FXN: variants seen among roughly 807,000 people sequenced by gnomAD.
The protein encoded by FXN is frataxin, mitochondrial.
FXN carries 14 observed loss-of-function variants against 22.4 expected under a neutral mutation model. The observed-to-expected ratio is 0.62, with a 90% CI of 0.41 to 0.98. The LOEUF (loss-of-function observed/expected upper bound fraction) is 0.98. Ranked by LOEUF, FXN falls within the 50% of genes least tolerant of loss-of-function variation. FXN has a pLI of 0.00. For missense variants in FXN, 267 were observed against 268.4 expected, an observed-to-expected ratio of 0.99 and a Z score of 0.04; for synonymous variants, 120 against 114.1, an observed-to-expected ratio of 1.05 and a Z score of -0.33.
At chr9:69,066,877 T>C (rs1011247597) in intron 4 of FXN, among the ~76,000 whole-genome samples, 1 of 150,492 alleles carries the variant, frequency 6.6e-6, no homozygotes, top group Non-Finnish European at 1.5e-5. Flanking sequence ...AAAATATATA[T>C]ATATATATGG....
chr9:69,074,956 G>T lies in FXN; in HGVS notation c.*2194G>T, dbSNP rs1367807781. 1 of 985,408 alleles carries T rather than the reference G, an allele frequency of 1.0e-6. No individual in the cohort carries two copies. Among genetic ancestry groups the T allele is most frequent in the East Asian group, 1.1e-4 (1 of 8,820 alleles). The allele number at this position is 985,408 out of a possible 1,614,324, so 61.0% of individuals were successfully genotyped here. ...AGTGCACCCCACTTACTTAGAACTC[G>T]GTGACATGATGTACTCCTTTATCTG... On this transcript the variant is annotated 3_prime_UTR_variant, in exon 5 of 5. Transcript: ENST00000484259.
chr9:69,037,284 A>AAAAGAAGAAGAAGAAG (rs544093183), intron 1 of FXN, among the ~76,000 whole-genome samples: 44 of 78,048 alleles, frequency 5.6e-4, no homozygotes, highest in African/African-American at 1.2e-3. Context: ...AAAAAAAAAA[A>AAAAGAAGAAGAAGAAG]AAGAAGAAGA....
intron 1 of FXN, among the ~76,000 whole-genome samples, chr9:69,040,967 C>T (rs1186323784): frequency 6.6e-6 from 1 of 152,184 alleles, no homozygotes. Context: ...GGATTTCCCA[C>T]CCTCCAGGAC....
rs571572380 is a variant in FXN, at chr9:69,035,990, G to GGCCGCAC, written c.165+54_165+60dup. 10,431 of 1,374,168 alleles carry GGCCGCAC rather than the reference G, an allele frequency of 7.6e-3. 59 individuals carry two copies. The highest frequency in any genetic ancestry group is 0.038 in the Middle Eastern group (141 of 3,752). The allele number at this position is 1,374,168 out of a possible 1,614,324, so 85.1% of individuals were successfully genotyped here. On this transcript the variant is annotated intron_variant, in intron 1 of 4. Transcript: ENST00000484259. ...GAACAGCCGCGGGCCGCACGCCGCG[G>GGCCGCAC]GCCGCACGCCGCACGCCTGCGCAGG... is the stretch of plus-strand genomic sequence containing the variant.
chr9:69,063,575 T>G (rs889617260), intron 3 of FXN, among the ~76,000 whole-genome samples: 1 of 152,192 alleles, frequency 6.6e-6, no homozygotes, highest in East Asian at 1.9e-4. Context: ...GAAAAAGATG[T>G]TATTTTAAAA....
intron 1 of FXN, among the ~76,000 whole-genome samples, chr9:69,044,611 T>C (rs548650662): frequency 6.6e-6 from 1 of 152,302 alleles, no homozygotes; most frequent in South Asian, 2.1e-4. Context: ...CTTCGGTGCC[T>C]TCCCAGGATG....
Position 69,074,762 on chromosome 9 carries a change from A to G in FXN, c.*2000A>G. 1.1e-6 allele frequency: 1 copy of G among 894,792 alleles called. No individual in the cohort carries two copies. Among genetic ancestry groups the G allele is most frequent in the Non-Finnish European group, 1.3e-6 (1 of 747,402 alleles). The allele number at this position is 894,792 out of a possible 1,614,324, so 55.4% of individuals were successfully genotyped here. A position where few individuals can be genotyped will look rare whatever the true frequency, so the allele number is the denominator to read the frequency against. ...AAAAAAGAAAAAAAAACCTATTAAT[A>G]ATAAAACAGTATAAACAAAAGCTAA... On this transcript the variant is annotated 3_prime_UTR_variant, in exon 5 of 5. Coordinates refer to ENST00000484259, the MANE Select transcript of FXN (RefSeq NM_000144.5).
chr9:69,050,723 C>T (rs1036697430), intron 2 of FXN, among the ~76,000 whole-genome samples: 1 of 152,144 alleles, frequency 6.6e-6, no homozygotes, highest in Non-Finnish European at 1.5e-5. Context: ...AAGTGATTGT[C>T]CAACTTACTT....
chr9:69,073,402 G>C lies in FXN; in HGVS notation c.*640G>C, dbSNP rs147141848. 1.0e-3 allele frequency: 1,004 copies of C among 985,954 alleles called. 5 individuals carry two copies. In the African/African-American group the frequency reaches 0.017, roughly 16 times the overall value. The allele number at this position is 985,954 out of a possible 1,614,324, so 61.1% of individuals were successfully genotyped here. ...CTCCCACATATTCACATACGTGTCT[G>C]TGTGTATATATATTTTTTCAATTTA... On this transcript the variant is annotated 3_prime_UTR_variant, in exon 5 of 5. Coordinates refer to ENST00000484259, the MANE Select transcript of FXN (RefSeq NM_000144.5).
chr9:69,038,436 T>C (rs1337708247), intron 1 of FXN, among the ~76,000 whole-genome samples: 1 of 152,188 alleles, frequency 6.6e-6, no homozygotes, highest in Non-Finnish European at 1.5e-5. Context: ...CTACATTTTC[T>C]AGTTAAAAAG....
At chr9:69,035,997 C>G (rs1274075676) in intron 1 of FXN, 50 bp downstream of exon 1, 9 of 1,307,382 alleles carry the variant, frequency 6.9e-6, no homozygotes, top group Non-Finnish European at 8.7e-6. Context: ...GCGGGCCGCA[C>G]GCCGCACGCC....
At chr9:69,045,725 C>G (rs1222913382) in intron 1 of FXN, among the ~76,000 whole-genome samples, 1 of 152,114 alleles carries the variant, frequency 6.6e-6, no homozygotes, top group Non-Finnish European at 1.5e-5. Context: ...TGAATTTACT[C>G]CGAAACTAGC....
At chr9:69,058,137 C>G (rs1398332080) in intron 3 of FXN, among the ~76,000 whole-genome samples, 34 of 152,168 alleles carry the variant, frequency 2.2e-4, no homozygotes, top group Non-Finnish European at 4.4e-5. Context: ...GTTCTTTTTT[C>G]TCTCTGTGGA....
Position 69,075,015 on chromosome 9 carries a change from GC to G in FXN, c.*2254del, listed in dbSNP as rs1832341292. The G allele has an allele frequency of 1.5e-5, 15 of 985,336 alleles. No individual in the cohort carries two copies. Among genetic ancestry groups the G allele is most frequent in the Non-Finnish European group, 1.8e-5 (15 of 829,946 alleles). 61.0% of individuals were successfully genotyped at this position (985,336 alleles called of 1,614,324 possible). ...CACAAAAGAGGTATGCAGTGGGGCT[GC>G]TCTGACATGAAAGTGGAAGTTAAGG... is the stretch of plus-strand genomic sequence containing the variant. On this transcript the variant is annotated 3_prime_UTR_variant, in exon 5 of 5. Coordinates refer to ENST00000484259, the MANE Select transcript of FXN (RefSeq NM_000144.5).
chr9:69,049,595 CA>C (rs1409163988), intron 2 of FXN, among the ~76,000 whole-genome samples: 1 of 152,156 alleles, frequency 6.6e-6, no homozygotes, highest in Non-Finnish European at 1.5e-5. Context: ...TATATCCTCA[CA>C]GGGGCACAAA....
chr9:69,072,582 G>T, intron 4 of FXN, 30 bp from the exon 5 acceptor site: 1 of 1,613,744 alleles, frequency 6.2e-7, no homozygotes. Context: ...CTGTGCTGTG[G>T]AATTACTATG....
chr9:69,077,440 G>A lies in FXN; in HGVS notation c.*4678G>A. 2.0e-6 allele frequency: 2 copies of A among 985,450 alleles called. No homozygotes were observed. Among genetic ancestry groups the A allele is most frequent in the Non-Finnish European group, 2.4e-6 (2 of 829,946 alleles). The allele number at this position is 985,450 out of a possible 1,614,324, so 61.0% of individuals were successfully genotyped here. On this transcript the variant is annotated 3_prime_UTR_variant, in exon 5 of 5. Coordinates refer to ENST00000484259, the MANE Select transcript of FXN (RefSeq NM_000144.5). The stretch of plus-strand genomic sequence containing the variant: ...TTTATTGAAATGTTTATTAGCTGAA[G>A]ATTTATTTAGACAGTTGAGGAAAAC...
At position 69,076,212 on chromosome 9, in the gene FXN, CTCA is replaced by C; in HGVS notation, c.*3452_*3454del. The C allele has an allele frequency of 1.1e-6, 1 of 887,176 alleles. No individual in the cohort carries two copies. The highest frequency in any genetic ancestry group is 1.3e-6 in the Non-Finnish European group (1 of 779,772). 55.0% of individuals were successfully genotyped at this position (887,176 alleles called of 1,614,324 possible). ...CTTGTTTGTAGACACTGACAGTGGCCTCATGTTTTTTTTTTTTTTAATCTATAA... is the reference window on the plus strand; with the variant it reads ...CTTGTTTGTAGACACTGACAGTGGCCTGTTTTTTTTTTTTTTAATCTATAA... On this transcript the variant is annotated 3_prime_UTR_variant, in exon 5 of 5. Transcript: ENST00000484259.
chr9:69,075,469 A>G lies in FXN; in HGVS notation c.*2707A>G. ...AGCCATACTCCGTCTCAAATAAATA[A>G]ATAAATAAATAAAGGGACTTCAAAC... On this transcript the variant is annotated 3_prime_UTR_variant, in exon 5 of 5. Coordinates refer to ENST00000484259, the MANE Select transcript of FXN (RefSeq NM_000144.5). The G allele has an allele frequency of 4.1e-6, 4 of 978,136 alleles. No individual in the cohort carries two copies. Among genetic ancestry groups the G allele is most frequent in the Non-Finnish European group, 4.9e-6 (4 of 823,690 alleles). 60.6% of individuals were successfully genotyped at this position (978,136 alleles called of 1,614,324 possible).
Sources: allele counts gnomAD v4.1 joint callset (sites outside exome capture counted in the v4.1 genomes callset), GRCh38; gene constraint gnomAD v4.1.1; transcripts MANE v1.5; gene names NCBI Gene and HGNC (gene_info 2026-07-23, HGNC 2026-07-21).